CFAP45: variants seen among roughly 807,000 people sequenced by gnomAD.
The protein encoded by CFAP45 is cilia- and flagella-associated protein 45.
CFAP45 carries 43 observed loss-of-function variants against 75.6 expected under a neutral mutation model. The ratio of observed to expected loss-of-function variants is 0.57; its 90% CI spans 0.45 to 0.73. CFAP45 has a LOEUF of 0.73. CFAP45 is among the 30% of genes least tolerant of loss of function. The pLI, the probability that CFAP45 is intolerant of heterozygous loss-of-function variation, is 0.00. For synonymous variants in CFAP45, 223 were observed against 244.6 expected, an observed-to-expected ratio of 0.91 and a Z score of 0.82; for missense variants, 689 against 701.5, an observed-to-expected ratio of 0.98 and a Z score of 0.20.
intron 2 of CFAP45, among the ~76,000 whole-genome samples, chr1:159,891,280 T>C (rs1649823817): frequency 6.6e-6 from 1 of 152,228 alleles, no homozygotes; most frequent in Non-Finnish European, 1.5e-5. Context: ...CACAGTGGGT[T>C]TGAAGCAATA....
chr1:159,890,206 T>C (rs1468452222), intron 3 of CFAP45, among the ~76,000 whole-genome samples: 1 of 152,036 alleles, frequency 6.6e-6, no homozygotes, highest in Non-Finnish European at 1.5e-5. Context: ...TCTCTACCAG[T>C]CCCTTAGCTC....
At position 159,872,454 on chromosome 1, in the gene CFAP45, G is replaced by T; in HGVS notation, c.*31C>A. On this transcript the variant is annotated 3_prime_UTR_variant, in exon 12 of 12. Coordinates refer to ENST00000368099, the MANE Select transcript of CFAP45 (RefSeq NM_012337.3). ...AGAGACTGGGCAGAATCTGTCCCCCGAAGGCATCCTGAGGGCCACGAAGGC... is the reference window on the plus strand; with the variant it reads ...AGAGACTGGGCAGAATCTGTCCCCCTAAGGCATCCTGAGGGCCACGAAGGC... 6.3e-7 allele frequency: 1 copy of T among 1,576,304 alleles called. No individual in the cohort carries two copies. Among genetic ancestry groups the T allele is most frequent in the Non-Finnish European group, 8.7e-7 (1 of 1,145,464 alleles).
At chr1:159,881,529 C>A (rs917676542) in intron 7 of CFAP45, among the ~76,000 whole-genome samples, 1 of 152,230 alleles carries the variant, frequency 6.6e-6, no homozygotes, top group Non-Finnish European at 1.5e-5. Context: ...CACACATCCT[C>A]TCTTCCCCAA....
intron 7 of CFAP45, 81 bp downstream of exon 7, chr1:159,884,355 C>A (rs1389201187): frequency 9.0e-6 from 13 of 1,442,556 alleles, no homozygotes; most frequent in Non-Finnish European, 1.1e-5. Context: ...GAAAATCAGT[C>A]AACACCCTGA....
intron 10 of CFAP45, chr1:159,876,272 AT>A: frequency 2.1e-6 from 1 of 476,774 alleles, no homozygotes; most frequent in East Asian, 3.9e-5. Flanking sequence ...ATGGACCAGA[AT>A]TTTACCTTTA....
chr1:159,887,977 T>G lies in CFAP45; in HGVS notation c.452A>C (p.Gln151Pro), dbSNP rs779579032. Residue 151 changes from glutamine (Q) to proline (P), a missense_variant, in exon 5 of 12, where the codon CAG becomes CCG. Coordinates refer to ENST00000368099, the MANE Select transcript of CFAP45 (RefSeq NM_012337.3). ...AVMTRKKIMK[Q>P]KEMVWNNNKK... Reference sequence around the variant, plus strand: ...GTTGTTGTTCCACACCATCTCCTTCTGTTTCATGATCTTCTTTCGTGTCAT... The same window carrying G: ...GTTGTTGTTCCACACCATCTCCTTCGGTTTCATGATCTTCTTTCGTGTCAT... The G allele has an allele frequency of 1.2e-6, 2 of 1,614,112 alleles. No homozygotes were observed. Among genetic ancestry groups the G allele is most frequent in the East Asian group, 4.5e-5 (2 of 44,886 alleles).
Position 159,895,958 on chromosome 1 carries a change from C to T in CFAP45, c.4-2653G>A, listed in dbSNP as rs569164306. On this transcript the variant is annotated intron_variant, in intron 1 of 11. Transcript: ENST00000368099. Reference sequence around the variant, plus strand: ...AATAAAACCGAACAAGGTGACCTCTCAAGGACAGGACTGCAGACCAGATTG... The same window carrying T: ...AATAAAACCGAACAAGGTGACCTCTTAAGGACAGGACTGCAGACCAGATTG... Among the ~76,000 whole-genome samples the T allele has an allele frequency of 6.6e-5, 10 of 152,342 alleles. 2 individuals carry two copies. Among genetic ancestry groups the T allele is most frequent in the African/African-American group, 2.4e-4 (10 of 41,578 alleles).
intron 7 of CFAP45, 127 bp downstream of exon 7, chr1:159,884,309 C>G: frequency 1.1e-6 from 1 of 944,286 alleles, no homozygotes; most frequent in Non-Finnish European, 1.6e-6. Flanking sequence ...AAAAAGTTGA[C>G]GGTGATGATG....
At position 159,877,442 on chromosome 1, in the gene CFAP45, C is replaced by G. The variant is rs754460728; in HGVS notation, c.1065G>C (p.Glu355Asp). The G allele has an allele frequency of 6.2e-6, 10 of 1,613,938 alleles. No homozygotes were observed. Among genetic ancestry groups the G allele is most frequent in the Non-Finnish European group, 8.5e-6 (10 of 1,179,910 alleles). Reference sequence around the variant, plus strand: ...CCCTCCGGATTCTCTCCTGCTCAGCCTCAAACTCTGCTTCTCGAGCCTGCC... The same window carrying G: ...CCCTCCGGATTCTCTCCTGCTCAGCGTCAAACTCTGCTTCTCGAGCCTGCC... Reference protein sequence around the residue: ...KKKMAREAEFEAEQERIRREK... With the variant: ...KKKMAREAEFDAEQERIRREK... The change falls in exon 9 of 12, where the codon GAG becomes GAC. Residue 355 changes from glutamate (E) to aspartate (D), a missense_variant. Coordinates refer to ENST00000368099, the MANE Select transcript of CFAP45 (RefSeq NM_012337.3).
At chr1:159,893,424 T>A in intron 1 of CFAP45, 119 bp from the exon 2 acceptor site, 1 of 948,174 alleles carries the variant, frequency 1.1e-6, no homozygotes, top group Non-Finnish European at 1.7e-6. Context: ...AAGAAACAGT[T>A]AGGGAAAGCG....
chr1:159,877,246 T>C, intron 9 of CFAP45, 103 bp downstream of exon 9: 2 of 861,050 alleles, frequency 2.3e-6, no homozygotes, highest in South Asian at 1.3e-5. Context: ...ACTTGCATCC[T>C]TTCCTCCGCA....
intron 11 of CFAP45, 60 bp downstream of exon 11, chr1:159,872,884 G>T: frequency 6.6e-7 from 1 of 1,511,252 alleles, no homozygotes; most frequent in Non-Finnish European, 9.2e-7. Context: ...TTTCCAGCCT[G>T]TGGTGCCATC....
chr1:159,883,720 G>A (rs1332399651), intron 7 of CFAP45, among the ~76,000 whole-genome samples: 1 of 151,448 alleles, frequency 6.6e-6, no homozygotes, highest in Non-Finnish European at 1.5e-5. Flanking sequence ...TCTAGGTGAA[G>A]AGTTGATGGG....
In CFAP45 at chr1:159,886,749, G is replaced by A. The variant is rs917262645; in HGVS notation, c.589-60C>T. The A allele has an allele frequency of 2.8e-6, 4 of 1,413,180 alleles. No individual in the cohort carries two copies. In the African/African-American group the frequency reaches 5.6e-5, roughly 20 times the overall value. The allele number at this position is 1,413,180 out of a possible 1,614,324, so 87.5% of individuals were successfully genotyped here. A position where few individuals can be genotyped will look rare whatever the true frequency, so the allele number is the denominator to read the frequency against. Reference sequence around the variant, plus strand: ...TAGGGATGTGTAAGTTTAAGGGGAAGAAATGGAAACAGAATGCTATACTGC... The same window carrying A: ...TAGGGATGTGTAAGTTTAAGGGGAAAAAATGGAAACAGAATGCTATACTGC... On this transcript the variant is annotated intron_variant, in intron 5 of 11. Coordinates refer to ENST00000368099, the MANE Select transcript of CFAP45 (RefSeq NM_012337.3).
At chr1:159,879,028 G>A (rs976209162) in intron 8 of CFAP45, among the ~76,000 whole-genome samples, 1 of 152,102 alleles carries the variant, frequency 6.6e-6, no homozygotes, top group African/African-American at 2.4e-5. Context: ...TACTTACGGT[G>A]GACTGTGGAC....
At chr1:159,878,413 CA>C (rs1317996199) in intron 8 of CFAP45, among the ~76,000 whole-genome samples, 1 of 152,080 alleles carries the variant, frequency 6.6e-6, no homozygotes. Flanking sequence ...CATTCTTGAG[CA>C]ATCGTAAGAT....
intron 1 of CFAP45, 103 bp downstream of exon 1, chr1:159,899,993 G>T: frequency 7.5e-7 from 1 of 1,327,760 alleles, no homozygotes; most frequent in Non-Finnish European, 1.1e-6. Context: ...GGGCCCTCCT[G>T]ACCCCTAGAC....
chr1:159,888,090 T>A, intron 4 of CFAP45, 79 bp from the exon 5 acceptor site: 1 of 1,494,270 alleles, frequency 6.7e-7, no homozygotes, highest in Non-Finnish European at 9.1e-7. Context: ...CTACCACAGG[T>A]GACCCAGTAC....
At chr1:159,898,160 G>T in intron 1 of CFAP45, 1 of 985,160 alleles carries the variant, frequency 1.0e-6, no homozygotes, top group Non-Finnish European at 1.2e-6. Context: ...CCTTTCTGTA[G>T]ACTTTGGTTA....
Sources: gnomAD v4.1 joint callset for allele counts (sites outside exome capture counted in the v4.1 genomes callset) on GRCh38, gnomAD v4.1.1 for gene constraint, MANE v1.5 for transcripts, NCBI Gene and HGNC (gene_info 2026-07-23, HGNC 2026-07-21) for gene names.